Variants in PTPRD observed in about 807,000 individuals in gnomAD.
The protein encoded by PTPRD is protein tyrosine phosphatase receptor type D, also known as receptor-type tyrosine-protein phosphatase delta.
A neutral mutation model predicts 214.5 loss-of-function variants in PTPRD; 34 were observed. The observed-to-expected ratio is 0.16, with a 90% CI of 0.12 to 0.21. The LOEUF (loss-of-function observed/expected upper bound fraction) is 0.21, where lower values mean the gene tolerates loss of function less well. Ranked by LOEUF, PTPRD falls within the 10% of genes least tolerant of loss-of-function variation. The pLI, the probability that PTPRD is intolerant of heterozygous loss-of-function variation, is 1.00. For synonymous variants in PTPRD, 1,128 were observed against 845.7 expected, an observed-to-expected ratio of 1.33 and a Z score of -5.79; for missense variants, 2,545 against 2,398.7, an observed-to-expected ratio of 1.06 and a Z score of -1.27.
intron 10 of PTPRD, among the ~76,000 whole-genome samples, chr9:9,074,206 C>A (rs938766271): frequency 9.6e-4 from 146 of 152,120 alleles, no homozygotes; most frequent in African/African-American, 3.5e-3. Context: ...ATATAGCTTC[C>A]TTTTTCCTGA....
intron 10 of PTPRD, among the ~76,000 whole-genome samples, chr9:9,045,561 T>TG (rs1268563382): frequency 1.8e-4 from 28 of 152,284 alleles, no homozygotes; most frequent in Non-Finnish European, 3.2e-4. Flanking sequence ...GAACAGCCCA[T>TG]GGTTGCTTCT....
At chr9:9,829,897 C>T (rs1599008810) in intron 5 of PTPRD, among the ~76,000 whole-genome samples, 1 of 151,460 alleles carries the variant, frequency 6.6e-6, no homozygotes, top group Non-Finnish European at 1.5e-5. Context: ...ATTTTTGAGC[C>T]CCTACAAATA....
intron 2 of PTPRD, among the ~76,000 whole-genome samples, chr9:10,492,375 T>C (rs527280990): frequency 3.9e-5 from 6 of 152,122 alleles, no homozygotes; most frequent in African/African-American, 1.4e-4. Context: ...CCAGCATCTG[T>C]TGTTTCCTGA....
At chr9:9,765,992 TTTTTC>T (rs2098704154) in intron 6 of PTPRD, among the ~76,000 whole-genome samples, 1 of 152,170 alleles carries the variant, frequency 6.6e-6, no homozygotes, top group African/African-American at 2.4e-5. Context: ...GTTCAAGCAA[TTTTTC>T]TCTTGTTAAT....
chr9:9,066,689 C>T (rs1418970564), intron 10 of PTPRD, among the ~76,000 whole-genome samples: 3 of 152,006 alleles, frequency 2.0e-5, no homozygotes, highest in Admixed American at 6.6e-5. Context: ...ATTTCAGAGA[C>T]AGAAAGAAAA....
chr9:9,884,860 G>C (rs568078389), intron 5 of PTPRD, among the ~76,000 whole-genome samples: 24 of 152,074 alleles, frequency 1.6e-4, no homozygotes, highest in Non-Finnish European at 2.6e-4. Context: ...TGCCACGATT[G>C]TAAGTTTCCT....
At chr9:8,487,461 G>A (rs1395223877) in intron 27 of PTPRD, among the ~76,000 whole-genome samples, 2 of 152,080 alleles carry the variant, frequency 1.3e-5, no homozygotes, top group African/African-American at 4.8e-5. Flanking sequence ...CAAGTATGGT[G>A]GCTCATGTCT....
intron 2 of PTPRD, among the ~76,000 whole-genome samples, chr9:10,526,876 C>G (rs1199531550): frequency 1.3e-5 from 2 of 152,100 alleles, no homozygotes; most frequent in Non-Finnish European, 2.9e-5. Flanking sequence ...TAATATGTGT[C>G]TGTGAGGAAA....
intron 5 of PTPRD, among the ~76,000 whole-genome samples, chr9:9,823,835 T>C (rs2051665589): frequency 1.3e-5 from 2 of 152,130 alleles, no homozygotes; most frequent in South Asian, 2.1e-4. Flanking sequence ...CCATAATGTA[T>C]TGTATATTTC....
intron 8 of PTPRD, among the ~76,000 whole-genome samples, chr9:9,409,350 A>G (rs1231042800): frequency 2.0e-5 from 3 of 151,966 alleles, no homozygotes; most frequent in Non-Finnish European, 4.4e-5. Context: ...GCATATGAAT[A>G]TTTTATTTTA....
intron 20 of PTPRD, among the ~76,000 whole-genome samples, chr9:8,520,608 GA>G (rs888724276): frequency 2.7e-5 from 4 of 148,384 alleles, no homozygotes; most frequent in East Asian, 3.9e-4. Context: ...AACACTAGGG[GA>G]AAAAAAAACG....
At chr9:10,304,461 G>A (rs981291669) in intron 3 of PTPRD, among the ~76,000 whole-genome samples, 3 of 152,126 alleles carry the variant, frequency 2.0e-5, no homozygotes, top group African/African-American at 7.2e-5. Flanking sequence ...GGGAAGAGAG[G>A]AAGTCAAATT....
chr9:10,388,618 A>C (rs2154489026), intron 2 of PTPRD, among the ~76,000 whole-genome samples: 2 of 152,034 alleles, frequency 1.3e-5, no homozygotes, highest in East Asian at 3.9e-4. Flanking sequence ...GACAAATAAC[A>C]TACTATAATG....
intron 11 of PTPRD, among the ~76,000 whole-genome samples, chr9:8,957,280 A>G (rs540620386): frequency 6.6e-6 from 1 of 151,930 alleles, no homozygotes; most frequent in South Asian, 2.1e-4. Flanking sequence ...AAACACTCAG[A>G]TTTTTAAAAT....
intron 11 of PTPRD, among the ~76,000 whole-genome samples, chr9:8,805,831 T>C (rs2096666141): frequency 6.6e-6 from 1 of 150,408 alleles, no homozygotes; most frequent in African/African-American, 2.4e-5. Context: ...CCGTCTCTAG[T>C]AGAAATACAA....
At chr9:10,281,032 T>C (rs936113924) in intron 3 of PTPRD, among the ~76,000 whole-genome samples, 1 of 152,206 alleles carries the variant, frequency 6.6e-6, no homozygotes, top group Non-Finnish European at 1.5e-5. Context: ...CACATTCATC[T>C]AGCAGTTTTG....
chr9:8,977,633 A>G (rs1055695659), intron 11 of PTPRD, among the ~76,000 whole-genome samples: 3 of 151,582 alleles, frequency 2.0e-5, no homozygotes, highest in African/African-American at 7.3e-5. Flanking sequence ...TAATTCATAA[A>G]AATTTATCTA....
chr9:10,256,222 G>A (rs567831368), intron 3 of PTPRD, among the ~76,000 whole-genome samples: 9 of 152,142 alleles, frequency 5.9e-5, no homozygotes, highest in African/African-American at 2.2e-4. Context: ...CAAAAAGGTT[G>A]GGGGCTGCTG....
chr9:9,086,298 T>G (rs950009850), intron 10 of PTPRD, among the ~76,000 whole-genome samples: 2 of 152,166 alleles, frequency 1.3e-5, no homozygotes, highest in Admixed American at 1.3e-4. Context: ...AGTTTTAGTT[T>G]TGATATGGAG....
Sources: allele counts gnomAD v4.1 joint callset (sites outside exome capture counted in the v4.1 genomes callset), GRCh38; gene constraint gnomAD v4.1.1; transcripts MANE v1.5; gene names NCBI Gene and HGNC (gene_info 2026-07-23, HGNC 2026-07-21).